The following GRM7 variants were observed in gnomAD, a reference collection of about 807,000 sequenced individuals.
GRM7 encodes the protein metabotropic glutamate receptor 7.
A neutral mutation model predicts 84.5 loss-of-function variants in GRM7; 35 were observed. The observed-to-expected ratio is 0.41, with a 90% CI of 0.32 to 0.55. The LOEUF (loss-of-function observed/expected upper bound fraction) is 0.55. Ranked by LOEUF, GRM7 falls within the 20% of genes least tolerant of loss-of-function variation. The pLI is 0.19. For synonymous variants in GRM7, 487 were observed against 455.1 expected, an observed-to-expected ratio of 1.07 and a Z score of -0.89; for missense variants, 1,003 against 1,194.6, an observed-to-expected ratio of 0.84 and a Z score of 2.36.
intron 1 of GRM7, among the ~76,000 whole-genome samples, chr3:7,099,170 G>A (rs17288498): frequency 0.43 from 63,428 of 148,792 alleles, 18,120 homozygotes; most frequent in African/African-American, 0.82. Flanking sequence ...AAAGAAGTTC[G>A]CAGGTTTAAT....
At chr3:7,675,585 G>A (rs889796086) in intron 8 of GRM7, among the ~76,000 whole-genome samples, 1 of 152,208 alleles carries the variant, frequency 6.6e-6, no homozygotes, top group Admixed American at 6.5e-5. Context: ...ATGGCATGGA[G>A]CATGTTCAAC....
At chr3:6,943,173 T>C (rs1697948352) in intron 1 of GRM7, among the ~76,000 whole-genome samples, 1 of 151,944 alleles carries the variant, frequency 6.6e-6, no homozygotes, top group African/African-American at 2.4e-5. Flanking sequence ...TTTTGTTTTC[T>C]TACCAGAGTC....
intron 1 of GRM7, among the ~76,000 whole-genome samples, chr3:7,095,369 G>C (rs1357566621): frequency 6.6e-6 from 1 of 151,866 alleles, no homozygotes; most frequent in East Asian, 1.9e-4. Context: ...ATCCCTCTTT[G>C]GAATGACTCA....
chr3:7,185,217 C>T (rs73124160), intron 2 of GRM7, among the ~76,000 whole-genome samples: 2,259 of 152,256 alleles, frequency 0.015, 59 homozygotes, highest in African/African-American at 0.052. Flanking sequence ...TTGTGACCCC[C>T]GACATTCACC....
intron 4 of GRM7, among the ~76,000 whole-genome samples, chr3:7,395,912 A>G (rs12489041): frequency 0.33 from 50,307 of 152,012 alleles, 9,378 homozygotes; most frequent in Non-Finnish European, 0.43. Flanking sequence ...AGAATATTCA[A>G]TCTTCTCACG....
chr3:7,562,440 G>C (rs755178249), intron 7 of GRM7, among the ~76,000 whole-genome samples: 31 of 151,846 alleles, frequency 2.0e-4, no homozygotes, highest in Middle Eastern at 6.8e-3. Flanking sequence ...TGGTTTTTCT[G>C]TAACTCCATT....
rs984606687 is a variant in GRM7, at chr3:7,329,779, T to C, written c.1033+23127T>C. Among the ~76,000 whole-genome samples, 9 of 152,128 alleles carry C rather than the reference T, an allele frequency of 5.9e-5. 1 individual carries two copies. Among genetic ancestry groups the C allele is most frequent in the African/African-American group, 2.2e-4 (9 of 41,418 alleles). ...CTTTAAACTTATGTTCATATATCTG[T>C]GAGTGGGGGTATATATGCATGGATG... On this transcript the variant is annotated intron_variant, in intron 4 of 9. Coordinates refer to ENST00000357716, the MANE Select transcript of GRM7 (RefSeq NM_000844.4).
intron 1 of GRM7, among the ~76,000 whole-genome samples, chr3:6,944,465 T>A (rs552178455): frequency 1.3e-5 from 2 of 152,306 alleles, no homozygotes; most frequent in South Asian, 4.1e-4. Flanking sequence ...TTTGTCAATA[T>A]GTTAAATTAT....
chr3:7,707,977 A>C (rs1262667820), intron 9 of GRM7, among the ~76,000 whole-genome samples: 2 of 146,758 alleles, frequency 1.4e-5, no homozygotes, highest in Non-Finnish European at 3.0e-5. Context: ...CTATAAAGCA[A>C]GCCTTTTTTT....
chr3:7,697,465 C>A (rs1485199030), intron 9 of GRM7, among the ~76,000 whole-genome samples: 1 of 152,246 alleles, frequency 6.6e-6, no homozygotes, highest in Admixed American at 6.5e-5. Flanking sequence ...TCCCTTTATA[C>A]CTCAGCATTT....
chr3:7,098,336 A>G (rs988231515), intron 1 of GRM7, among the ~76,000 whole-genome samples: 1 of 152,076 alleles, frequency 6.6e-6, no homozygotes, highest in African/African-American at 2.4e-5. Flanking sequence ...ATCCAGAAAT[A>G]TGGGTTAGGG....
At chr3:6,925,596 TC>T (rs1330166880) in intron 1 of GRM7, among the ~76,000 whole-genome samples, 1 of 152,320 alleles carries the variant, frequency 6.6e-6, no homozygotes, top group African/African-American at 2.4e-5. Context: ...TCTTCTATCA[TC>T]TCATACAATG....
chr3:7,485,521 C>T lies in GRM7; in HGVS notation c.1515+23799C>T, dbSNP rs1054303522. On this transcript the variant is annotated intron_variant, in intron 7 of 9. Transcript: ENST00000357716. ...GATAATAGCTTTATTCTGTCATTCACGTTATACATACCTTTTCCTTTTGAA... is the reference window on the plus strand; with the variant it reads ...GATAATAGCTTTATTCTGTCATTCATGTTATACATACCTTTTCCTTTTGAA... 8.5e-5 allele frequency among the ~76,000 whole-genome samples: 13 copies of T among 152,270 alleles called. 1 individual carries two copies. Among genetic ancestry groups the T allele is most frequent in the South Asian group, 2.1e-4 (1 of 4,822 alleles).
At chr3:7,056,566 A>G (rs979807809) in intron 1 of GRM7, among the ~76,000 whole-genome samples, 1 of 152,032 alleles carries the variant, frequency 6.6e-6, no homozygotes, top group African/African-American at 2.4e-5. Context: ...TTTTGGAATA[A>G]GTATACACAG....
intron 8 of GRM7, among the ~76,000 whole-genome samples, chr3:7,665,315 G>T (rs1335387673): frequency 6.6e-6 from 1 of 151,878 alleles, no homozygotes; most frequent in Non-Finnish European, 1.5e-5. Flanking sequence ...GGGACTACAG[G>T]TGCCCGCCAC....
chr3:7,328,452 C>T (rs920191752), intron 4 of GRM7, among the ~76,000 whole-genome samples: 3 of 152,158 alleles, frequency 2.0e-5, no homozygotes, highest in Admixed American at 1.3e-4. Flanking sequence ...TGTCTGAGTT[C>T]TGGCCCATAG....
chr3:7,232,533 CTGTT>C (rs1364895474), intron 2 of GRM7, among the ~76,000 whole-genome samples: 1 of 152,114 alleles, frequency 6.6e-6, no homozygotes, highest in East Asian at 1.9e-4. Context: ...AGAGGGAAAA[CTGTT>C]TCTTAAGATC....
intron 4 of GRM7, among the ~76,000 whole-genome samples, chr3:7,392,919 G>T (rs962628277): frequency 2.0e-5 from 3 of 152,118 alleles, no homozygotes; most frequent in African/African-American, 7.2e-5. Context: ...GGGTAGCCAG[G>T]TTTCCACATG....
chr3:6,941,300 C>T (rs1472850321), intron 1 of GRM7, among the ~76,000 whole-genome samples: 2 of 152,112 alleles, frequency 1.3e-5, no homozygotes, highest in Non-Finnish European at 2.9e-5. Context: ...AAATGGCAAA[C>T]GTCTCTATTT....
Sources: gnomAD v4.1 joint callset for allele counts (sites outside exome capture counted in the v4.1 genomes callset) on GRCh38, gnomAD v4.1.1 for gene constraint, MANE v1.5 for transcripts, NCBI Gene and HGNC (gene_info 2026-07-23, HGNC 2026-07-21) for gene names.